The following CYP4F2 variants were observed in gnomAD, a reference collection of about 807,000 sequenced individuals.
CYP4F2 encodes cytochrome P450 4F2.
CYP4F2 carries 58 observed loss-of-function variants against 58.9 expected under a neutral mutation model. The observed-to-expected ratio is 0.98, with a 90% CI of 0.80 to 1.23. The LOEUF (loss-of-function observed/expected upper bound fraction) is 1.23. Ranked by LOEUF, CYP4F2 falls within the 50% of genes most tolerant of loss-of-function variation. The pLI is 0.00. For synonymous variants in CYP4F2, 287 were observed against 261.1 expected, an observed-to-expected ratio of 1.10 and a Z score of -0.95; for missense variants, 616 against 685.6, an observed-to-expected ratio of 0.90 and a Z score of 1.13.
Position 15,893,741 on chromosome 19 carries a change from A to T in CYP4F2, c.344-1159T>A, listed in dbSNP as rs540658906. 2.2e-5 allele frequency: 5 copies of T among 231,380 alleles called. No individual in the cohort carries two copies. In the South Asian group the frequency reaches 4.0e-4, roughly 19 times the overall value. The allele number at this position is 231,380 out of a possible 1,614,324, so 14.3% of individuals were successfully genotyped here. On this transcript the variant is annotated intron_variant, in intron 3 of 12. Transcript: ENST00000221700. ...CTTGGCCAGTGCGATGTCTACCTGG[A>T]GCAAAGAGCACAGGCTTGATGCACG...
chr19:15,879,823 A>T lies in CYP4F2; in HGVS notation c.1190T>A (p.Val397Asp). 1 of 1,614,068 alleles carries T rather than the reference A, an allele frequency of 6.2e-7. No homozygotes were observed. Among genetic ancestry groups the T allele is most frequent in the East Asian group, 2.2e-5 (1 of 44,858 alleles). ...ESLRLHPPVP[V>D]ISRHVTQDIV... Reference sequence around the variant, plus strand: ...GTCCTGGGTGACATGGCGGGAGATGACCGGGACTGGGGGATGCAGCCGCAG... The same window carrying T: ...GTCCTGGGTGACATGGCGGGAGATGTCCGGGACTGGGGGATGCAGCCGCAG... The change falls in exon 10 of 13, where the codon GTC (valine) becomes GAC (aspartate). Residue 397 changes from valine to aspartate, a missense_variant. Coordinates refer to ENST00000221700, the MANE Select transcript of CYP4F2 (RefSeq NM_001082.5).
At chr19:15,886,362 T>G in intron 7 of CYP4F2, 54 bp from the exon 8 acceptor site, 1 of 1,399,470 alleles carries the variant, frequency 7.1e-7, no homozygotes, top group Non-Finnish European at 9.5e-7. Context: ...AAAGTCACAC[T>G]AGCTCTAAGG....
At position 15,878,247 on chromosome 19, in the gene CYP4F2, A is replaced by G. The variant is rs1164140268; in HGVS notation, c.*524T>C. 1 of 152,888 alleles carries G rather than the reference A, an allele frequency of 6.5e-6. No individual in the cohort carries two copies. Among genetic ancestry groups the G allele is most frequent in the Non-Finnish European group, 1.5e-5 (1 of 68,600 alleles). The allele number at this position is 152,888 out of a possible 1,614,324, so 9.5% of individuals were successfully genotyped here. ...CTTCGTCACTATCTAGGTCCGGAACATTTTCACCATCCCGGGAGGAAACCC... is the reference window on the plus strand; with the variant it reads ...CTTCGTCACTATCTAGGTCCGGAACGTTTTCACCATCCCGGGAGGAAACCC... On this transcript the variant is annotated 3_prime_UTR_variant, in exon 13 of 13. Coordinates refer to ENST00000221700, the MANE Select transcript of CYP4F2 (RefSeq NM_001082.5).
intron 9 of CYP4F2, among the ~76,000 whole-genome samples, chr19:15,884,313 G>A (rs971364931): frequency 6.6e-6 from 1 of 152,064 alleles, no homozygotes; most frequent in African/African-American, 2.4e-5. Context: ...TGGATCTCAT[G>A]AAAGTAGAAG....
intron 9 of CYP4F2, among the ~76,000 whole-genome samples, chr19:15,884,521 G>A (rs1201100643): frequency 6.6e-6 from 1 of 152,132 alleles, no homozygotes; most frequent in Non-Finnish European, 1.5e-5. Flanking sequence ...AATATTTCAG[G>A]CGACAGATAT....
chr19:15,895,807 T>C (rs1027712379), intron 2 of CYP4F2, among the ~76,000 whole-genome samples, 157 bp from the exon 3 acceptor site: 1 of 152,190 alleles, frequency 6.6e-6, no homozygotes, highest in East Asian at 1.9e-4. Context: ...TATATATCTA[T>C]CTGCCTACCC....
chr19:15,878,433 T>C lies in CYP4F2; in HGVS notation c.*338A>G. ...ATCTGACGTCTTTCATTCAGTATCA[T>C]GCATTCAAGGTTCATCCACAGTGTA... On this transcript the variant is annotated 3_prime_UTR_variant, in exon 13 of 13. Coordinates refer to ENST00000221700, the MANE Select transcript of CYP4F2 (RefSeq NM_001082.5). The C allele has an allele frequency of 3.5e-6, 1 of 284,214 alleles. No individual in the cohort carries two copies. Among genetic ancestry groups the C allele is most frequent in the East Asian group, 7.0e-5 (1 of 14,236 alleles). 17.6% of individuals were successfully genotyped at this position (284,214 alleles called of 1,614,324 possible).
intron 6 of CYP4F2, 128 bp downstream of exon 6, chr19:15,890,184 C>T: frequency 6.7e-7 from 1 of 1,488,202 alleles, no homozygotes. Flanking sequence ...CATACCAGTC[C>T]TTCAATGATC....
chr19:15,888,815 GAC>G (rs2089398521), intron 7 of CYP4F2, among the ~76,000 whole-genome samples: 1 of 152,112 alleles, frequency 6.6e-6, no homozygotes, highest in South Asian at 2.1e-4. Flanking sequence ...CATAGTCATA[GAC>G]ACAGACAAAA....
intron 4 of CYP4F2, 36 bp downstream of exon 4, chr19:15,892,493 C>G: frequency 6.2e-7 from 1 of 1,613,984 alleles, no homozygotes; most frequent in Non-Finnish European, 8.5e-7. Flanking sequence ...GGCCCCCCAA[C>G]GTTTTTCCCA....
rs1016299484 is a variant in CYP4F2, at chr19:15,878,511, G to T, written c.*260C>A. 4.3e-5 allele frequency: 26 copies of T among 600,270 alleles called. No individual in the cohort carries two copies. In the African/African-American group the frequency reaches 4.6e-4, roughly 11 times the overall value. The allele number at this position is 600,270 out of a possible 1,614,324, so 37.2% of individuals were successfully genotyped here. A position where few individuals can be genotyped will look rare whatever the true frequency, so the allele number is the denominator to read the frequency against. The stretch of plus-strand genomic sequence containing the variant: ...ATGGCTGTGTAATACTCCATTGTAT[G>T]GATGGACCACATTTTGTTTATCCTT... On this transcript the variant is annotated 3_prime_UTR_variant, in exon 13 of 13. Transcript: ENST00000221700.
chr19:15,896,292 A>C (rs1173263538), intron 2 of CYP4F2, among the ~76,000 whole-genome samples: 2 of 151,248 alleles, frequency 1.3e-5, no homozygotes, highest in African/African-American at 4.9e-5. Context: ...CTCCTGCTCT[A>C]TCTATCTATC....
chr19:15,894,402 G>T (rs1211305457), intron 3 of CYP4F2, among the ~76,000 whole-genome samples: 1 of 152,168 alleles, frequency 6.6e-6, no homozygotes, highest in African/African-American at 2.4e-5. Flanking sequence ...GAACTCTAGG[G>T]GAAAGGTGGC....
chr19:15,885,771 G>A (rs1282283463), intron 9 of CYP4F2, among the ~76,000 whole-genome samples, 153 bp downstream of exon 9: 3 of 152,016 alleles, frequency 2.0e-5, no homozygotes, highest in Non-Finnish European at 4.4e-5. Context: ...AGACAGTCAG[G>A]ATGGGTACTA....
At chr19:15,888,287 C>A (rs2089394594) in intron 7 of CYP4F2, among the ~76,000 whole-genome samples, 1 of 152,078 alleles carries the variant, frequency 6.6e-6, no homozygotes, top group African/African-American at 2.4e-5. Context: ...CAGACGCACA[C>A]ACATAGATGA....
intron 9 of CYP4F2, among the ~76,000 whole-genome samples, chr19:15,885,585 A>G (rs927458089): frequency 2.6e-5 from 4 of 152,220 alleles, no homozygotes; most frequent in Non-Finnish European, 2.9e-5. Context: ...AGAAGAGCAA[A>G]CATTCAAGAA....
chr19:15,897,701 C>T (rs1290522167), intron 1 of CYP4F2, 89 bp from the exon 2 acceptor site: 3 of 1,508,256 alleles, frequency 2.0e-6, no homozygotes, highest in African/African-American at 1.4e-5. Flanking sequence ...CAGGGACGGG[C>T]AGTGCCGGAG....
chr19:15,879,999 T>A, intron 9 of CYP4F2, 102 bp from the exon 10 acceptor site: 1 of 1,568,120 alleles, frequency 6.4e-7, no homozygotes, highest in Non-Finnish European at 8.6e-7. Context: ...CGCAATAAAA[T>A]AAACTTTTAA....
chr19:15,880,571 T>C (rs957785676), intron 9 of CYP4F2, among the ~76,000 whole-genome samples: 2 of 151,562 alleles, frequency 1.3e-5, no homozygotes, highest in Non-Finnish European at 2.9e-5. Flanking sequence ...GAGGTTGCAG[T>C]GAGCTGAGAT....
Sources: allele counts gnomAD v4.1 joint callset (sites outside exome capture counted in the v4.1 genomes callset), GRCh38; gene constraint gnomAD v4.1.1; transcripts MANE v1.5; gene names NCBI Gene and HGNC (gene_info 2026-07-23, HGNC 2026-07-21).